Variants in F13A1 observed in about 807,000 individuals in gnomAD.
The protein encoded by F13A1 is FSF, A subunit.
F13A1 carries 47 observed loss-of-function variants against 80.1 expected under a neutral mutation model. The ratio of observed to expected loss-of-function variants is 0.59; its 90% CI spans 0.46 to 0.75. The LOEUF (loss-of-function observed/expected upper bound fraction) is 0.75, where lower values mean the gene tolerates loss of function less well. Among genes scored for constraint, F13A1 ranks in the 30% least tolerant of loss-of-function variants. F13A1 has a pLI of 0.00. For synonymous variants in F13A1, 349 were observed against 344.9 expected (o/e 1.01, Z -0.13); for missense variants, 817 against 930.4 (o/e 0.88, Z 1.59).
intron 3 of F13A1, among the ~76,000 whole-genome samples, chr6:6,280,419 G>A (rs1026377808): frequency 1.3e-5 from 2 of 152,170 alleles, no homozygotes; most frequent in East Asian, 1.9e-4. Context: ...CAAAGGACTG[G>A]CAGAAAGAAT....
intron 6 of F13A1, among the ~76,000 whole-genome samples, chr6:6,247,715 T>C (rs80000643): frequency 0.047 from 7,085 of 152,296 alleles, 471 homozygotes; most frequent in African/African-American, 0.15. Context: ...GTTCTAGCTG[T>C]GGCTTTGTCA....
At chr6:6,227,106 AT>A (rs1757287372) in intron 6 of F13A1, among the ~76,000 whole-genome samples, 1 of 152,260 alleles carries the variant, frequency 6.6e-6, no homozygotes, top group Non-Finnish European at 1.5e-5. Context: ...AATAAAAAAA[AT>A]ACTAGAAGAA....
At chr6:6,168,717 C>T (rs11753836) in intron 12 of F13A1, among the ~76,000 whole-genome samples, 6,912 of 152,334 alleles carry the variant, frequency 0.045, 213 homozygotes, top group Non-Finnish European at 0.068. Context: ...ACAGTTTGAG[C>T]ACAGAGGGTA....
intron 3 of F13A1, among the ~76,000 whole-genome samples, chr6:6,288,541 A>G (rs1276175237): frequency 1.3e-5 from 2 of 152,190 alleles, no homozygotes; most frequent in Non-Finnish European, 2.9e-5. Flanking sequence ...TTGTGTCTAT[A>G]TACCACATTT....
chr6:6,247,199 A>G (rs934965443), intron 6 of F13A1, among the ~76,000 whole-genome samples: 1 of 152,180 alleles, frequency 6.6e-6, no homozygotes, highest in African/African-American at 2.4e-5. Context: ...CACCATTCTT[A>G]AAAGCTAACC....
chr6:6,182,191 C>G (rs781239683), intron 10 of F13A1, 50 bp from the exon 11 acceptor site: 1 of 1,606,510 alleles, frequency 6.2e-7, no homozygotes, highest in East Asian at 2.2e-5. Flanking sequence ...TCTGCTGTTG[C>G]CAAAGTCTTT....
intron 13 of F13A1, among the ~76,000 whole-genome samples, chr6:6,154,194 C>T (rs1023856412): frequency 1.9e-4 from 29 of 150,126 alleles, no homozygotes; most frequent in Non-Finnish European, 3.4e-4. Context: ...ATTTTCAAAC[C>T]GGTGGGAGCA....
intron 13 of F13A1, among the ~76,000 whole-genome samples, chr6:6,154,792 C>A (rs1012703365): frequency 2.0e-5 from 3 of 152,200 alleles, no homozygotes; most frequent in Non-Finnish European, 4.4e-5. Context: ...TCAAAAACAT[C>A]TTTGGATTTA....
At chr6:6,307,822 A>C (rs1758534970) in intron 2 of F13A1, among the ~76,000 whole-genome samples, 1 of 152,060 alleles carries the variant, frequency 6.6e-6, no homozygotes, top group Non-Finnish European at 1.5e-5. Context: ...AAACAACTCT[A>C]ATTATTTGAA....
At chr6:6,146,512 C>T (rs73720310) in intron 14 of F13A1, among the ~76,000 whole-genome samples, 6,538 of 152,230 alleles carry the variant, frequency 0.043, 478 homozygotes, top group African/African-American at 0.15. Context: ...AAGCCCACAT[C>T]AGTGCAGACT....
chr6:6,318,465 G>T, intron 2 of F13A1, 70 bp downstream of exon 2: 2 of 1,532,342 alleles, frequency 1.3e-6, no homozygotes, highest in South Asian at 2.6e-5. Flanking sequence ...ATGTTTACCT[G>T]CAGGGAAGAG....
At chr6:6,177,490 C>T (rs886316208) in intron 11 of F13A1, among the ~76,000 whole-genome samples, 7 of 152,222 alleles carry the variant, frequency 4.6e-5, no homozygotes, top group Non-Finnish European at 8.8e-5. Flanking sequence ...CCCTGAAACC[C>T]AGCCTGGCAC....
intron 6 of F13A1, among the ~76,000 whole-genome samples, chr6:6,240,793 T>G (rs891078619): frequency 5.9e-5 from 9 of 152,228 alleles, no homozygotes; most frequent in Admixed American, 5.9e-4. Context: ...TTACTTTGAA[T>G]ACATTAGAGA....
chr6:6,194,313 C>G (rs1761252798), intron 10 of F13A1, among the ~76,000 whole-genome samples: 1 of 152,200 alleles, frequency 6.6e-6, no homozygotes, highest in East Asian at 1.9e-4. Flanking sequence ...CTTCCAACAC[C>G]CCTGATGCAT....
chr6:6,226,603 G>A (rs528180052), intron 6 of F13A1, among the ~76,000 whole-genome samples: 40 of 152,244 alleles, frequency 2.6e-4, no homozygotes, highest in Non-Finnish European at 4.4e-4. Flanking sequence ...TTGACTTGCT[G>A]TGTCTAGTTG....
chr6:6,276,513 T>C (rs952765868), intron 3 of F13A1, among the ~76,000 whole-genome samples: 12 of 152,222 alleles, frequency 7.9e-5, no homozygotes, highest in Admixed American at 7.2e-4. Context: ...TCCCACTGCT[T>C]ACAAATCTAG....
chr6:6,190,260 C>G (rs1761161617), intron 10 of F13A1, among the ~76,000 whole-genome samples: 2 of 152,218 alleles, frequency 1.3e-5, no homozygotes, highest in Non-Finnish European at 2.9e-5. Context: ...TGTTCCTTTG[C>G]TGGTGAGGAA....
intron 3 of F13A1, among the ~76,000 whole-genome samples, chr6:6,274,013 G>A (rs1303059804): frequency 3.3e-5 from 5 of 152,186 alleles, no homozygotes; most frequent in African/African-American, 7.2e-5. Flanking sequence ...GTAGAAATCC[G>A]CCCTTTCCAT....
chr6:6,310,521 GTTA>G lies in F13A1; in HGVS notation c.131-4985_131-4983del, dbSNP rs573593010. On this transcript the variant is annotated intron_variant, in intron 2 of 14. Transcript: ENST00000264870. ...ATAAATGTTTATTATTATTGTTGTT[GTTA>G]TTATTATTAAGAGAAGTAGAAGAGC... 5.2e-3 allele frequency among the ~76,000 whole-genome samples: 784 copies of G among 152,156 alleles called. 3 individuals are homozygous for G. Among genetic ancestry groups the G allele is most frequent in the Non-Finnish European group, 8.6e-3 (585 of 68,002 alleles).
Sources: gnomAD v4.1 joint callset for allele counts (sites outside exome capture counted in the v4.1 genomes callset) on GRCh38, gnomAD v4.1.1 for gene constraint, MANE v1.5 for transcripts, NCBI Gene and HGNC (gene_info 2026-07-23, HGNC 2026-07-21) for gene names.